ABHD18: variants seen among roughly 807,000 people sequenced by gnomAD.
ABHD18 encodes the protein abhydrolase domain containing 18, also known as cardiolipin-specific deacylase, mitochondrial.
ABHD18 carries 55 observed loss-of-function variants against 65.9 expected under a neutral mutation model. The observed-to-expected ratio is 0.84, with a 90% CI of 0.67 to 1.05. The LOEUF is 1.05. ABHD18 is among the 50% of genes least tolerant of loss of function. The pLI, the probability that ABHD18 is intolerant of heterozygous loss-of-function variation, is 0.00. For missense variants in ABHD18, 533 were observed against 558.5 expected (o/e 0.95, Z 0.46); for synonymous variants, 181 against 180.2 (o/e 1.00, Z -0.04).
At chr4:127,988,321 C>T (rs1579213362) in intron 3 of ABHD18, among the ~76,000 whole-genome samples, 1 of 152,306 alleles carries the variant, frequency 6.6e-6, no homozygotes, top group East Asian at 1.9e-4. Context: ...GCTGTGACCT[C>T]CTGGACTCAG....
intron 7 of ABHD18, among the ~76,000 whole-genome samples, chr4:128,015,531 A>G (rs1755333122): frequency 6.6e-6 from 1 of 152,204 alleles, no homozygotes; most frequent in Non-Finnish European, 1.5e-5. Context: ...AGGATAGGAA[A>G]CAAAGATAAG....
chr4:128,029,189 C>CAA (rs879330225), intron 11 of ABHD18, among the ~76,000 whole-genome samples: 3 of 141,644 alleles, frequency 2.1e-5, no homozygotes, highest in Non-Finnish European at 3.1e-5. Context: ...CTGTCTCTAC[C>CAA]AAAAAAAAAA....
Position 128,021,672 on chromosome 4 carries a change from AT to A in ABHD18, c.801+436del. Reference sequence around the variant, plus strand: ...CTGTCTTAAAAATAAATAAATAAAAATTCTTTTAAAATAAAACACAGATACA... The same window carrying A: ...CTGTCTTAAAAATAAATAAATAAAAATCTTTTAAAATAAAACACAGATACA... On this transcript the variant is annotated intron_variant, in intron 10 of 12. Coordinates refer to ENST00000645843, the MANE Select transcript of ABHD18 (RefSeq NM_001358451.3). Among the ~76,000 whole-genome samples, 6 of 152,266 alleles carry A rather than the reference AT, an allele frequency of 3.9e-5. No individual in the cohort carries two copies. The Middle Eastern group carries it at 0.02, about 518-fold the overall frequency.
At chr4:127,971,466 A>G (rs1315298087) in intron 1 of ABHD18, among the ~76,000 whole-genome samples, 1 of 145,528 alleles carries the variant, frequency 6.9e-6, no homozygotes, top group Non-Finnish European at 1.5e-5. Context: ...CACTCTCTGA[A>G]TATGTCCAGA....
At chr4:128,027,400 GA>G (rs1231656308) in intron 10 of ABHD18, among the ~76,000 whole-genome samples, 2 of 151,180 alleles carry the variant, frequency 1.3e-5, no homozygotes, top group African/African-American at 4.9e-5. Context: ...TTTTTTTCTT[GA>G]TAATTTTTTT....
chr4:128,004,241 CAG>C (rs1254744808), intron 4 of ABHD18, among the ~76,000 whole-genome samples: 3 of 151,832 alleles, frequency 2.0e-5, no homozygotes, highest in African/African-American at 4.8e-5. Context: ...CACCTGAGGT[CAG>C]GGGTTCGAGA....
At chr4:128,031,250 C>G (rs1758165054) in intron 12 of ABHD18, 1 of 302,658 alleles carries the variant, frequency 3.3e-6, no homozygotes, top group Non-Finnish European at 4.7e-6. Flanking sequence ...GTCAGGAGAT[C>G]AAGGCCATCC....
intron 10 of ABHD18, among the ~76,000 whole-genome samples, chr4:128,027,803 G>A (rs2149186154): frequency 6.6e-6 from 1 of 152,140 alleles, no homozygotes; most frequent in East Asian, 1.9e-4. Flanking sequence ...TAAGACTTTT[G>A]GAAGTTCAAA....
intron 1 of ABHD18, among the ~76,000 whole-genome samples, chr4:127,970,092 AG>A (rs1746445348): frequency 6.6e-6 from 1 of 151,794 alleles, no homozygotes; most frequent in African/African-American, 2.4e-5. Context: ...TATGTTGACC[AG>A]GCTGGTTTCA....
intron 10 of ABHD18, among the ~76,000 whole-genome samples, chr4:128,025,353 G>T (rs1560926450): frequency 6.6e-6 from 1 of 152,084 alleles, no homozygotes; most frequent in Non-Finnish European, 1.5e-5. Context: ...GCCCAGGCTT[G>T]TTTCAAACTC....
chr4:128,005,252 A>G (rs1320062854), intron 4 of ABHD18, among the ~76,000 whole-genome samples: 1 of 152,162 alleles, frequency 6.6e-6, no homozygotes, highest in East Asian at 1.9e-4. Context: ...CATATCCAAA[A>G]CATGTTGAAA....
chr4:127,972,500 G>T (rs945850004), intron 1 of ABHD18, among the ~76,000 whole-genome samples: 6 of 149,678 alleles, frequency 4.0e-5, no homozygotes, highest in African/African-American at 1.5e-4. Flanking sequence ...CAGGAGCTGA[G>T]GTCAAAGACC....
In ABHD18 at chr4:128,020,090, T is replaced by C. The variant is rs765337908; in HGVS notation, c.620T>C (p.Leu207Ser). 1 of 1,612,118 alleles carries C rather than the reference T, an allele frequency of 6.2e-7. No homozygotes were observed. The highest frequency in any genetic ancestry group is 8.5e-7 in the Non-Finnish European group (1 of 1,178,580). The change falls in exon 9 of 13, where the codon TTA (leucine) becomes TCA (serine). Residue 207 changes from leucine (L) to serine (S), a missense_variant. By Grantham distance (145) the Leu-to-Ser change is moderately radical. Around this residue, in one of 3 missense-constraint regions of ABHD18, gnomAD observed 309 missense variants for 313.5 expected, o/e 0.99. Coordinates refer to ENST00000645843, the MANE Select transcript of ABHD18 (RefSeq NM_001358451.3). Reference sequence around the variant, plus strand: ...TCTGTTATATTACAGATGGCTTCCTTAGCGGTATCCAACTGGCCTAAGCCC... The same window carrying C: ...TCTGTTATATTACAGATGGCTTCCTCAGCGGTATCCAACTGGCCTAAGCCC... ...GISMGGHMAS[L>S]AVSNWPKPMP... is the part of the protein sequence containing the mutation.
chr4:128,010,864 G>A (rs554279987), intron 6 of ABHD18, among the ~76,000 whole-genome samples: 68 of 144,168 alleles, frequency 4.7e-4, no homozygotes, highest in East Asian at 4.0e-3. Context: ...GCAGTGAGCC[G>A]CCTGCACTCC....
At chr4:128,020,244 AC>A in intron 9 of ABHD18, 75 bp downstream of exon 9, 1 of 1,038,938 alleles carries the variant, frequency 9.6e-7, no homozygotes, top group Non-Finnish European at 1.5e-6. Flanking sequence ...CCCCAAAACC[AC>A]CCTCAGCTTT....
At position 128,028,324 on chromosome 4, in the gene ABHD18, G is replaced by A. The variant is rs557856137; in HGVS notation, c.802-151G>A. On this transcript the variant is annotated intron_variant, in intron 10 of 12. Coordinates refer to ENST00000645843, the MANE Select transcript of ABHD18 (RefSeq NM_001358451.3). The stretch of plus-strand genomic sequence containing the variant: ...TGTGTCAGAATTTCATTCCTTTTAA[G>A]ACTGCATAATGTTTAATTGTTTGAA... The A allele has an allele frequency of 6.5e-5, 37 of 570,770 alleles. No homozygotes were observed. In the South Asian group the frequency reaches 1.2e-3, roughly 18 times the overall value. 35.4% of individuals were successfully genotyped at this position (570,770 alleles called of 1,614,324 possible).
At chr4:128,025,936 T>C (rs1294774058) in intron 10 of ABHD18, among the ~76,000 whole-genome samples, 1 of 152,180 alleles carries the variant, frequency 6.6e-6, no homozygotes, top group African/African-American at 2.4e-5. Context: ...GGTGGGCAGA[T>C]CATGAGGTCA....
chr4:128,037,798 A>G lies in ABHD18; in HGVS notation c.*1985A>G, dbSNP rs1292181902. ...TTGTCCCATATAAACTTTATTTTAC[A>G]GAAAATATTTAAAGTTTTATGTAAT... On this transcript the variant is annotated 3_prime_UTR_variant, in exon 13 of 13. Transcript: ENST00000645843. 1.3e-5 allele frequency: 2 copies of G among 152,174 alleles called. No individual in the cohort carries two copies. Among genetic ancestry groups the G allele is most frequent in the Non-Finnish European group, 2.9e-5 (2 of 68,038 alleles). The allele number at this position is 152,174 out of a possible 1,614,324, so 9.4% of individuals were successfully genotyped here.
chr4:127,972,520 CTTTTTTTTTTTTT>C (rs11286287), intron 1 of ABHD18, among the ~76,000 whole-genome samples: 4 of 60,872 alleles, frequency 6.6e-5, no homozygotes, highest in Non-Finnish European at 1.2e-4. Flanking sequence ...CAGATATACT[CTTTTTTTTTTTTT>C]TTTTTTTTTT....
Sources: allele counts gnomAD v4.1 joint callset (sites outside exome capture counted in the v4.1 genomes callset), GRCh38; gene constraint gnomAD v4.1.1; regional missense constraint gnomAD v4.1.1; transcripts MANE v1.5; gene names NCBI Gene and HGNC (gene_info 2026-07-23, HGNC 2026-07-21).